Variants in KIRREL3 observed in about 807,000 individuals in gnomAD.
KIRREL3 encodes kin of IRRE-like protein 3.
KIRREL3 carries 36 observed loss-of-function variants against 89.7 expected under a neutral mutation model. That is an observed-to-expected ratio of 0.40 (90% confidence interval 0.31 to 0.53). The LOEUF is 0.53. Ranked by LOEUF, KIRREL3 falls within the 20% of genes least tolerant of loss-of-function variation. The probability of loss-of-function intolerance (pLI) is 0.49; values close to 1 mark genes in which losing one functional copy is unlikely to be tolerated. For synonymous variants in KIRREL3, 445 were observed against 441.4 expected, an observed-to-expected ratio of 1.01 and a Z score of -0.10; for missense variants, 864 against 1,056.6, an observed-to-expected ratio of 0.82 and a Z score of 2.53.
intron 1 of KIRREL3, among the ~76,000 whole-genome samples, chr11:126,785,530 A>G (rs1950461002): frequency 6.6e-6 from 1 of 152,088 alleles, no homozygotes; most frequent in Non-Finnish European, 1.5e-5. Context: ...GTCTGATGCA[A>G]TGTAAGGGTC....
intron 1 of KIRREL3, among the ~76,000 whole-genome samples, chr11:126,619,540 A>G (rs912562122): frequency 9.2e-5 from 14 of 152,370 alleles, no homozygotes; most frequent in African/African-American, 2.9e-4. Context: ...TGTTGGAAGG[A>G]CTGTTCTCTC....
At chr11:126,887,764 A>G (rs2134749086) in intron 1 of KIRREL3, among the ~76,000 whole-genome samples, 1 of 152,334 alleles carries the variant, frequency 6.6e-6, no homozygotes, top group Middle Eastern at 3.4e-3. Flanking sequence ...TCTCTACTCA[A>G]CCGCTGAGTA....
At position 126,424,414 on chromosome 11, in the gene KIRREL3, T is replaced by A; in HGVS notation, c.*166A>T. On this transcript the variant is annotated 3_prime_UTR_variant, in exon 17 of 17. Transcript: ENST00000525144. ...GGCACACAGCACCTGGGGACCCAGA[T>A]TTGTGCTTGATCAGAGCTTCGAAGG... 5 of 481,872 alleles carry A rather than the reference T, an allele frequency of 1.0e-5. No homozygotes were observed. The highest frequency in any genetic ancestry group is 1.5e-5 in the Non-Finnish European group (4 of 268,672). The allele number at this position is 481,872 out of a possible 1,614,324, so 29.8% of individuals were successfully genotyped here. A position where few individuals can be genotyped will look rare whatever the true frequency, so the allele number is the denominator to read the frequency against.
chr11:126,722,912 A>G (rs920755496), intron 1 of KIRREL3, among the ~76,000 whole-genome samples: 1 of 152,250 alleles, frequency 6.6e-6, no homozygotes, highest in East Asian at 1.9e-4. Context: ...ACTCCTTTGC[A>G]TCATGGTGAT....
At chr11:126,866,649 G>GCC (rs144235119) in intron 1 of KIRREL3, among the ~76,000 whole-genome samples, 67 of 150,296 alleles carry the variant, frequency 4.5e-4, no homozygotes, top group Middle Eastern at 3.4e-3. Context: ...CCTCCTCACT[G>GCC]CCCCCCCACA....
chr11:126,788,018 A>G lies in KIRREL3; in HGVS notation c.55+212437T>C, dbSNP rs1391483388. Among the ~76,000 whole-genome samples, 1 of 152,208 alleles carries G rather than the reference A, an allele frequency of 6.6e-6. No individual in the cohort carries two copies. Among genetic ancestry groups the G allele is most frequent in the Non-Finnish European group, 1.5e-5 (1 of 68,034 alleles). ...CCCCATTTTACAGGCAGGGAAGCTG[A>G]AGCACAGAGAGGTCAAGTCAATTGC... is the stretch of plus-strand genomic sequence containing the variant. On this transcript the variant is annotated intron_variant, in intron 1 of 16. Coordinates refer to ENST00000525144, the MANE Select transcript of KIRREL3 (RefSeq NM_032531.4). The surrounding 1 kb of genome is among the most constrained non-coding windows in gnomAD (Gnocchi z 4.1).
intron 1 of KIRREL3, among the ~76,000 whole-genome samples, chr11:126,893,629 G>A (rs1946016109): frequency 6.6e-6 from 1 of 152,218 alleles, no homozygotes. Context: ...ACCGTGAGCT[G>A]ATCATTTGTT....
Position 126,566,134 on chromosome 11 carries a change from A to G in KIRREL3, c.56-3222T>C, listed in dbSNP as rs1005167612. Among the ~76,000 whole-genome samples the G allele has an allele frequency of 1.7e-5, 2 of 116,350 alleles. No homozygotes were observed. Among genetic ancestry groups the G allele is most frequent in the Non-Finnish European group, 3.4e-5 (2 of 58,566 alleles). 76.3% of individuals were successfully genotyped at this position (116,350 alleles called of 152,430 possible). ...ACACCCAGATACTCTAAAGCTGGCT[A>G]TGGAAAAATAATTACCATGAAAGGA... On this transcript the variant is annotated intron_variant, in intron 1 of 16. Transcript: ENST00000525144. The surrounding 1 kb of genome is among the most constrained non-coding windows in gnomAD (Gnocchi z 4.9).
intron 1 of KIRREL3, among the ~76,000 whole-genome samples, chr11:126,663,361 A>G (rs1464655432): frequency 6.6e-6 from 1 of 151,256 alleles, no homozygotes; most frequent in Non-Finnish European, 1.5e-5. Context: ...AATTTTTTGT[A>G]TTTTTAGTAG....
chr11:126,598,585 C>T (rs1349774131), intron 1 of KIRREL3, among the ~76,000 whole-genome samples: 2 of 152,170 alleles, frequency 1.3e-5, no homozygotes, highest in Admixed American at 6.5e-5. Flanking sequence ...TGAGGTATGA[C>T]CCAAGAATGG....
At chr11:126,648,337 C>T (rs1944774677) in intron 1 of KIRREL3, among the ~76,000 whole-genome samples, 1 of 152,180 alleles carries the variant, frequency 6.6e-6, no homozygotes, top group African/African-American at 2.4e-5. Context: ...GTTCCTGAAA[C>T]TCACCAGGCA....
At chr11:126,838,940 C>T (rs1592203499) in intron 1 of KIRREL3, among the ~76,000 whole-genome samples, 4 of 152,286 alleles carry the variant, frequency 2.6e-5, no homozygotes, top group Admixed American at 2.6e-4. Context: ...CACATTCCTG[C>T]TCCCAGGCCT....
chr11:126,821,048 G>A (rs1213664131), intron 1 of KIRREL3, among the ~76,000 whole-genome samples: 1 of 152,080 alleles, frequency 6.6e-6, no homozygotes, highest in Non-Finnish European at 1.5e-5. Flanking sequence ...TCTTGGGACT[G>A]CAAAAGGTTG....
In KIRREL3 at chr11:126,803,308, A is replaced by G. The variant is rs1320742504; in HGVS notation, c.55+197147T>C. Among the ~76,000 whole-genome samples, 3 of 152,176 alleles carry G rather than the reference A, an allele frequency of 2.0e-5. No individual in the cohort carries two copies. In the East Asian group the frequency reaches 5.8e-4, roughly 29 times the overall value. On this transcript the variant is annotated intron_variant, in intron 1 of 16. Coordinates refer to ENST00000525144, the MANE Select transcript of KIRREL3 (RefSeq NM_032531.4). The stretch of plus-strand genomic sequence containing the variant: ...CTGAAAATGAGGAACAGAGATCACC[A>G]GGCACAGAATTGGAGAAGTGGCATT...
intron 1 of KIRREL3, among the ~76,000 whole-genome samples, chr11:126,602,141 G>C (rs73015288): frequency 0.12 from 19,023 of 152,224 alleles, 1,245 homozygotes; most frequent in East Asian, 0.2. Flanking sequence ...GTGGCAAAGA[G>C]GTCAGCCCTG....
intron 1 of KIRREL3, among the ~76,000 whole-genome samples, chr11:126,688,336 AT>A (rs1434058416): frequency 6.6e-6 from 1 of 152,238 alleles, no homozygotes; most frequent in Non-Finnish European, 1.5e-5. Context: ...ACTGGAAGAC[AT>A]GCCTCTGTGG....
rs1330176924 is a variant in KIRREL3 at position 126,676,425 on chromosome 11, G to C, written c.56-113513C>G. Among the ~76,000 whole-genome samples the C allele has an allele frequency of 6.6e-6, 1 of 152,134 alleles. No individual in the cohort carries two copies. The highest frequency in any genetic ancestry group is 1.9e-4 in the East Asian group (1 of 5,198). ...ACCCTGGGGCCTCTCTAGTCCCCCAGGGCCACTGGGCTGGCTCTGCAGTTG... is the reference window on the plus strand; with the variant it reads ...ACCCTGGGGCCTCTCTAGTCCCCCACGGCCACTGGGCTGGCTCTGCAGTTG... On this transcript the variant is annotated intron_variant, in intron 1 of 16. Coordinates refer to ENST00000525144, the MANE Select transcript of KIRREL3 (RefSeq NM_032531.4). This position sits in a 1 kb window ranked among gnomAD's most constrained non-coding sequence, Gnocchi z 4.5.
intron 2 of KIRREL3, among the ~76,000 whole-genome samples, chr11:126,559,651 A>G (rs1319306147): frequency 6.7e-6 from 1 of 150,048 alleles, no homozygotes; most frequent in Admixed American, 6.6e-5. Flanking sequence ...GAGCTCCTTG[A>G]GGGCAGAAAA....
chr11:126,671,854 A>G (rs1046013170), intron 1 of KIRREL3, among the ~76,000 whole-genome samples: 6 of 152,214 alleles, frequency 3.9e-5, no homozygotes, highest in African/African-American at 1.2e-4. Context: ...CACTTTGGAA[A>G]ATAGTTTTGA....
Sources: gnomAD v4.1 joint callset for allele counts (sites outside exome capture counted in the v4.1 genomes callset) on GRCh38, gnomAD v4.1.1 for gene constraint, Gnocchi (gnomAD v3.1) non-coding constraint, MANE v1.5 for transcripts, NCBI Gene and HGNC (gene_info 2026-07-23, HGNC 2026-07-21) for gene names.